WDR49: variants seen among roughly 807,000 people sequenced by gnomAD.
The protein encoded by WDR49 is cilia- and flagella-associated protein 337.
WDR49 carries 107 observed loss-of-function variants against 119.5 expected under a neutral mutation model. The observed-to-expected ratio is 0.90, with a 90% CI of 0.77 to 1.05. WDR49 has a LOEUF of 1.05. Among genes scored for constraint, WDR49 ranks in the 50% least tolerant of loss-of-function variants. The pLI, the probability that WDR49 is intolerant of heterozygous loss-of-function variation, is 0.00. For synonymous variants in WDR49, 425 were observed against 418.8 expected (o/e 1.01, Z -0.18); for missense variants, 1,240 against 1,220.5 (o/e 1.02, Z -0.24).
intron 5 of WDR49, among the ~76,000 whole-genome samples, chr3:167,617,442 G>A (rs1314618656): frequency 6.6e-5 from 10 of 152,166 alleles, no homozygotes; most frequent in African/African-American, 1.2e-4. Context: ...CACAAGAATC[G>A]CTGAACCTGG....
At chr3:167,488,834 A>G (rs1487381978) in intron 18 of WDR49, among the ~76,000 whole-genome samples, 1 of 152,072 alleles carries the variant, frequency 6.6e-6, no homozygotes, top group African/African-American at 2.4e-5. Context: ...CTCATCTGAT[A>G]CCAGTCTCCT....
intron 17 of WDR49, among the ~76,000 whole-genome samples, chr3:167,500,740 C>T (rs1045636050): frequency 8.6e-5 from 13 of 152,000 alleles, no homozygotes; most frequent in African/African-American, 2.4e-4. Flanking sequence ...ACCAGAGCTG[C>T]GTTATTGTAT....
intron 7 of WDR49, among the ~76,000 whole-genome samples, chr3:167,600,200 C>T (rs957876807): frequency 3.9e-5 from 6 of 151,978 alleles, no homozygotes; most frequent in African/African-American, 1.4e-4. Flanking sequence ...ATTGTGCTGC[C>T]TGGGGTTGGG....
rs1716718091 is a variant in WDR49, at chr3:167,618,694, G to A, written c.958+1735C>T. Among the ~76,000 whole-genome samples the A allele has an allele frequency of 2.0e-5, 3 of 152,142 alleles. No individual in the cohort carries two copies. In the South Asian group the frequency reaches 6.2e-4, roughly 31 times the overall value. ...CTTTGCAGTGATTTAAGGCCAGACT[G>A]TGAAACTGTGAAATCGGATTCCTTA... On this transcript the variant is annotated intron_variant, in intron 5 of 18. Transcript: ENST00000682715.
intron 5 of WDR49, among the ~76,000 whole-genome samples, chr3:167,617,800 C>A (rs1716672973): frequency 6.6e-6 from 1 of 152,148 alleles, no homozygotes; most frequent in African/African-American, 2.4e-5. Context: ...CTTCAGAGAG[C>A]TGCCTGTTTC....
At chr3:167,603,679 T>A (rs552008059) in intron 6 of WDR49, among the ~76,000 whole-genome samples, 2 of 152,180 alleles carry the variant, frequency 1.3e-5, no homozygotes, top group Non-Finnish European at 2.9e-5. Flanking sequence ...TATCAAATTA[T>A]CAGCTTTCAG....
chr3:167,483,534 G>T (rs1324847143), intron 18 of WDR49, among the ~76,000 whole-genome samples: 2 of 151,986 alleles, frequency 1.3e-5, no homozygotes, highest in Non-Finnish European at 2.9e-5. Flanking sequence ...TACATATGCA[G>T]GGGTGGATCC....
intron 2 of WDR49, among the ~76,000 whole-genome samples, chr3:167,650,465 T>C (rs1251079379): frequency 6.6e-6 from 1 of 152,200 alleles, no homozygotes; most frequent in Non-Finnish European, 1.5e-5. Flanking sequence ...ACAAGTTACT[T>C]TTCTGTGCTT....
intron 8 of WDR49, among the ~76,000 whole-genome samples, chr3:167,568,047 C>T (rs1321745668): frequency 6.6e-6 from 1 of 152,322 alleles, no homozygotes. Flanking sequence ...TGGTCTATCC[C>T]TTCCTGCCTT....
chr3:167,569,411 AC>A (rs570259446), intron 8 of WDR49, among the ~76,000 whole-genome samples: 1 of 152,304 alleles, frequency 6.6e-6, no homozygotes, highest in Non-Finnish European at 1.5e-5. Context: ...GCTAGTACAT[AC>A]GTATCTTTTA....
Position 167,528,035 on chromosome 3 carries a change from C to T in WDR49, c.2407-18G>A, listed in dbSNP as rs1038366297. 1.3e-5 allele frequency: 20 copies of T among 1,590,996 alleles called. No homozygotes were observed. The highest frequency in any genetic ancestry group is 1.7e-5 in the Non-Finnish European group (20 of 1,165,856). On this transcript the variant is annotated intron_variant, in intron 14 of 18. Coordinates refer to ENST00000682715, the MANE Select transcript of WDR49 (RefSeq NM_001366157.1). ...CAGTACTCCTGAATGAAAAGAAATA[C>T]CAGAACTCTAAAAAATTCAAATATG...
chr3:167,592,449 T>A (rs921249889), intron 7 of WDR49, among the ~76,000 whole-genome samples: 2 of 150,730 alleles, frequency 1.3e-5, no homozygotes, highest in Non-Finnish European at 3.0e-5. Flanking sequence ...TTTTTTTTTT[T>A]TTTTGAGATG....
At chr3:167,510,656 C>T (rs1320497248) in intron 16 of WDR49, among the ~76,000 whole-genome samples, 2 of 152,030 alleles carry the variant, frequency 1.3e-5, no homozygotes, top group African/African-American at 2.4e-5. Flanking sequence ...ACTTTCAGCC[C>T]TGTGAAAAGC....
intron 16 of WDR49, among the ~76,000 whole-genome samples, chr3:167,519,824 C>T (rs1752366503): frequency 1.3e-5 from 2 of 152,034 alleles, no homozygotes; most frequent in South Asian, 4.2e-4. Context: ...TATATCAGCA[C>T]TGATTTTCAT....
Position 167,505,406 on chromosome 3 carries a change from A to G in WDR49, c.2785T>C (p.Ser929Pro). The G allele has an allele frequency of 1.3e-6, 2 of 1,516,402 alleles. No individual in the cohort carries two copies. Among genetic ancestry groups the G allele is most frequent in the Admixed American group, 2.4e-5 (1 of 41,004 alleles). The allele number at this position is 1,516,402 out of a possible 1,614,324, so 93.9% of individuals were successfully genotyped here. The change falls in exon 17 of 19, where the codon TCA becomes CCA. Residue 929 changes from serine to proline, a missense_variant. Physicochemically the swap from Ser to Pro is moderately conservative, Grantham distance 74. Coordinates refer to ENST00000682715, the MANE Select transcript of WDR49 (RefSeq NM_001366157.1). The stretch of plus-strand genomic sequence containing the variant: ...TTTATATCTAAATTTATATCTTCTG[A>G]TGGTCTGACACTGGAAGAAAATATT... ...KDDSTYNVRP[S>P]EDINLDIKYK...
intron 5 of WDR49, among the ~76,000 whole-genome samples, chr3:167,605,087 AAT>A (rs1172018091): frequency 1.4e-5 from 2 of 141,872 alleles, no homozygotes; most frequent in African/African-American, 5.7e-5. Context: ...ATATATTTGT[AAT>A]ATGTGTATAT....
chr3:167,622,522 A>G (rs1560318651), intron 3 of WDR49, among the ~76,000 whole-genome samples: 1 of 152,214 alleles, frequency 6.6e-6, no homozygotes, highest in Non-Finnish European at 1.5e-5. Flanking sequence ...CTGAAAAGGT[A>G]AGATTTACAT....
intron 2 of WDR49, among the ~76,000 whole-genome samples, chr3:167,651,601 T>TC (rs1291781778): frequency 6.6e-6 from 1 of 152,178 alleles, no homozygotes; most frequent in Non-Finnish European, 1.5e-5. Flanking sequence ...TTCATTTTTT[T>TC]TTTTTGAAGG....
Position 167,627,071 on chromosome 3 carries a change from C to T in WDR49, c.387G>A (p.Trp129Ter). The T allele has an allele frequency of 7.7e-7, 1 of 1,298,372 alleles. No homozygotes were observed. Among genetic ancestry groups the T allele is most frequent in the Non-Finnish European group, 9.8e-7 (1 of 1,022,930 alleles). 80.4% of individuals were successfully genotyped at this position (1,298,372 alleles called of 1,614,324 possible). ...ERAKATVVPQWKDLEFLPVKH... is the reference protein window; with the variant it reads ...ERAKATVVPQ ...TTACTGGGAGGAATTCAAGGTCCTT[C>T]CACTGGGGCACCACAGTTGCCTTTG... The change falls in exon 3 of 19, where the codon TGG becomes TGA. Residue 129 changes from tryptophan (W) to a stop codon, truncating the protein, a stop_gained. Transcript: ENST00000682715. LOFTEE classifies it high-confidence loss of function.
Sources: gnomAD v4.1 joint callset for allele counts (sites outside exome capture counted in the v4.1 genomes callset) on GRCh38, gnomAD v4.1.1 for gene constraint, MANE v1.5 for transcripts, NCBI Gene and HGNC (gene_info 2026-07-23, HGNC 2026-07-21) for gene names.